SLC36A4: variants seen among roughly 807,000 people sequenced by gnomAD.
SLC36A4 encodes the protein neutral amino acid uniporter 4.
A neutral mutation model predicts 50.5 loss-of-function variants in SLC36A4; 49 were observed. The observed-to-expected ratio is 0.97, with a 90% confidence interval of 0.77 to 1.23. The LOEUF (loss-of-function observed/expected upper bound fraction) is 1.23. Among genes scored for constraint, SLC36A4 ranks in the 50% most tolerant of loss-of-function variants. The pLI, the probability that SLC36A4 is intolerant of heterozygous loss-of-function variation, is 0.00. For synonymous variants in SLC36A4, 207 were observed against 206.5 expected (o/e 1.00, Z -0.02); for missense variants, 611 against 608.4 (o/e 1.00, Z -0.05).
intron 9 of SLC36A4, among the ~76,000 whole-genome samples, chr11:93,158,955 C>T (rs964571069): frequency 2.6e-5 from 4 of 152,078 alleles, no homozygotes; most frequent in East Asian, 1.9e-4. Flanking sequence ...TAAAACTCCT[C>T]GCTGCCAAAG....
intron 10 of SLC36A4, among the ~76,000 whole-genome samples, chr11:93,150,434 A>G (rs1038707478): frequency 1.3e-5 from 2 of 151,998 alleles, no homozygotes; most frequent in Non-Finnish European, 2.9e-5. Context: ...TGTGGGATCA[A>G]CTTGGAACTA....
At chr11:93,188,544 A>G (rs757005644) in intron 1 of SLC36A4, among the ~76,000 whole-genome samples, 2 of 152,176 alleles carry the variant, frequency 1.3e-5, no homozygotes, top group Non-Finnish European at 2.9e-5. Context: ...TCTTTAGGAC[A>G]TTCTCCATAC....
chr11:93,160,296 T>C, intron 9 of SLC36A4: 1 of 985,400 alleles, frequency 1.0e-6, no homozygotes, highest in Non-Finnish European at 1.2e-6. Flanking sequence ...TAAAGGGAAA[T>C]ATGTGTCTTG....
At chr11:93,192,603 T>C (rs1161215611) in intron 1 of SLC36A4, among the ~76,000 whole-genome samples, 3 of 152,224 alleles carry the variant, frequency 2.0e-5, no homozygotes, top group Non-Finnish European at 2.9e-5. Flanking sequence ...TTATTTAACT[T>C]ACCTAAAATA....
chr11:93,185,534 G>A (rs376887900), intron 2 of SLC36A4, 157 bp downstream of exon 2: 33 of 585,118 alleles, frequency 5.6e-5, no homozygotes, highest in East Asian at 4.2e-4. Context: ...TGATTTAAAC[G>A]CATTTCTTTC....
At chr11:93,197,724 G>A (rs1027252039) in intron 1 of SLC36A4, 54 bp downstream of exon 1, 9 of 1,551,990 alleles carry the variant, frequency 5.8e-6, no homozygotes, top group Admixed American at 1.7e-5. Context: ...CCCGACTCCC[G>A]CACAGACCCC....
In SLC36A4 at chr11:93,162,719, G is replaced by A; in HGVS notation, c.1024C>T (p.Pro342Ser). ...EIKGSITLNL[P>S]QDVWLYQSVK... ...ATATACACCTACCATACATCTTGGGGAAGATTTAAAGTTATGCTGCCTTTG... is the reference window on the plus strand; with the variant it reads ...ATATACACCTACCATACATCTTGGGAAAGATTTAAAGTTATGCTGCCTTTG... Residue 342 changes from proline to serine, a missense_variant, in exon 9 of 11, where the codon CCC becomes TCC. Transcript: ENST00000326402. The A allele has an allele frequency of 6.2e-7, 1 of 1,608,498 alleles. No homozygotes were observed. The highest frequency in any genetic ancestry group is 8.5e-7 in the Non-Finnish European group (1 of 1,178,072).
rs1392325455 is a variant in SLC36A4 at position 93,168,282 on chromosome 11, CTATGA to C, written c.541-116_541-112del. On this transcript the variant is annotated intron_variant, in intron 6 of 10. Coordinates refer to ENST00000326402, the MANE Select transcript of SLC36A4 (RefSeq NM_152313.4). Reference sequence around the variant, plus strand: ...AACATATACACTCTACAATAAATTCCTATGATATATTTTAAAATATTTACATTTAC... The same window carrying C: ...AACATATACACTCTACAATAAATTCCTATATTTTAAAATATTTACATTTAC... The C allele has an allele frequency of 6.8e-5, 34 of 496,382 alleles. No individual in the cohort carries two copies. The South Asian group carries it at 1.1e-3, about 16-fold the overall frequency. 30.7% of individuals were successfully genotyped at this position (496,382 alleles called of 1,614,324 possible).
intron 1 of SLC36A4, among the ~76,000 whole-genome samples, chr11:93,196,878 G>A (rs1862451948): frequency 6.6e-6 from 1 of 152,204 alleles, no homozygotes. Context: ...GAGGATTAAA[G>A]ACAATGCATA....
chr11:93,148,861 C>T lies in SLC36A4; in HGVS notation c.1208-17G>A. ...CTCCGGCACCTAGAAAATGAAAATA[C>T]ATTTATTTTTCTTATTTAAATGTTT... On this transcript the variant is annotated splice_polypyrimidine_tract_variant and intron_variant, in intron 10 of 10. Transcript: ENST00000326402. 1 of 1,585,072 alleles carries T rather than the reference C, an allele frequency of 6.3e-7. No individual in the cohort carries two copies. Among genetic ancestry groups the T allele is most frequent in the South Asian group, 1.2e-5 (1 of 86,164 alleles).
chr11:93,189,705 A>G (rs1351732707), intron 1 of SLC36A4, among the ~76,000 whole-genome samples: 1 of 152,200 alleles, frequency 6.6e-6, no homozygotes, highest in Non-Finnish European at 1.5e-5. Flanking sequence ...AAAGATAGTT[A>G]TCACTACCAA....
Position 93,154,130 on chromosome 11 carries a change from T to A in SLC36A4, c.1185A>T (p.Arg395Ser), listed in dbSNP as rs182082275. ...KWKQICEFGI[R>S]SFLVSITCAG... ...TACAAGTAATACTAACCAAGAAGGA[T>A]CTTATCCCAAATTCACAGATTTGCT... is the stretch of plus-strand genomic sequence containing the variant. Residue 395 changes from arginine to serine, a missense_variant, in exon 10 of 11, where the codon AGA (arginine) becomes AGT (serine). Physicochemically the swap from Arg to Ser is moderately radical, Grantham distance 110. Coordinates refer to ENST00000326402, the MANE Select transcript of SLC36A4 (RefSeq NM_152313.4). 2.3e-5 allele frequency: 36 copies of A among 1,544,114 alleles called. No homozygotes were observed. The East Asian group carries it at 8.2e-4, about 35-fold the overall frequency.
chr11:93,179,092 C>G (rs976220779), intron 6 of SLC36A4, among the ~76,000 whole-genome samples: 4 of 152,170 alleles, frequency 2.6e-5, no homozygotes, highest in Non-Finnish European at 5.9e-5. Flanking sequence ...AGGAAAGTGG[C>G]AGAGACCATC....
At chr11:93,154,315 T>C in intron 9 of SLC36A4, 38 bp from the exon 10 acceptor site, 1 of 1,104,920 alleles carries the variant, frequency 9.1e-7, no homozygotes, top group Non-Finnish European at 1.2e-6. Context: ...TCATTTTTAA[T>C]GTGAATTTAG....
At chr11:93,171,398 T>C (rs866670334) in intron 6 of SLC36A4, 1 of 152,042 alleles carries the variant, frequency 6.6e-6, no homozygotes, top group Non-Finnish European at 1.5e-5. Flanking sequence ...CAAGACAATG[T>C]CCCATGGGGT....
Position 93,197,824 on chromosome 11 carries a change from C to G in SLC36A4, c.9G>C (p.Ala3=). 6.3e-7 allele frequency: 1 copy of G among 1,577,392 alleles called. No homozygotes were observed. Among genetic ancestry groups the G allele is most frequent in the Non-Finnish European group, 8.5e-7 (1 of 1,169,796 alleles). Residue 3 remains alanine, a synonymous_variant, in exon 1 of 11, where the codon GCG becomes GCC. Transcript: ENST00000326402. Reference sequence around the variant, plus strand: ...CCCCGGCAGCCGCCGGCGTCGCCGCCGCTTCCATCTCTCGCGGGTCTCCAG... The same window carrying G: ...CCCCGGCAGCCGCCGGCGTCGCCGCGGCTTCCATCTCTCGCGGGTCTCCAG... ME[A]AATPAAAGAA...
intron 5 of SLC36A4, among the ~76,000 whole-genome samples, chr11:93,181,422 T>C (rs1460558751): frequency 1.3e-5 from 2 of 152,034 alleles, no homozygotes; most frequent in Admixed American, 1.3e-4. Flanking sequence ...TTTTACTTCA[T>C]CTACCATAAT....
intron 1 of SLC36A4, 92 bp downstream of exon 1, chr11:93,197,686 G>A: frequency 7.2e-7 from 1 of 1,394,802 alleles, no homozygotes; most frequent in Non-Finnish European, 9.7e-7. Flanking sequence ...CTCAGGCCAA[G>A]CGCGGGGCCC....
chr11:93,184,481 A>T lies in SLC36A4; in HGVS notation c.219T>A (p.Ile73=). ...QTLMHLLKGN[I]GTGLLGLPLA... is the part of the protein sequence containing the mutation. ...ATGGAAGTCCTAAAAGGCCAGTTCCAATATTTCCTTTAAGAAGGTGCATAA... is the reference window on the plus strand; with the variant it reads ...ATGGAAGTCCTAAAAGGCCAGTTCCTATATTTCCTTTAAGAAGGTGCATAA... The change falls in exon 3 of 11, where the codon ATT becomes ATA. Residue 73 remains isoleucine (I), a synonymous_variant. Coordinates refer to ENST00000326402, the MANE Select transcript of SLC36A4 (RefSeq NM_152313.4). The T allele has an allele frequency of 6.2e-7, 1 of 1,612,164 alleles. No individual in the cohort carries two copies. Among genetic ancestry groups the T allele is most frequent in the East Asian group, 2.2e-5 (1 of 44,752 alleles).
Sources: gnomAD v4.1 joint callset for allele counts (sites outside exome capture counted in the v4.1 genomes callset) on GRCh38, gnomAD v4.1.1 for gene constraint, MANE v1.5 for transcripts, NCBI Gene and HGNC (gene_info 2026-07-23, HGNC 2026-07-21) for gene names.